The following DCAF8L2 variants were observed in gnomAD, a reference collection of about 807,000 sequenced individuals.
DCAF8L2 encodes the protein DDB1- and CUL4-associated factor 8-like protein 2.
For synonymous variants in DCAF8L2, 200 were observed against 190.9 expected, an observed-to-expected ratio of 1.05 and a Z score of -0.39; for missense variants, 430 against 490.7, an observed-to-expected ratio of 0.88 and a Z score of 1.17.
the DCAF8L2 span, chrX:27,519,901 T>C: frequency 1.2e-5 from 3 of 255,991 alleles, no homozygotes; most frequent in Non-Finnish European, 2.0e-5. Context: ...TATACTTTTT[T>C]TGAAATATTA....
At chrX:27,474,194 C>T in the DCAF8L2 span, among the ~76,000 whole-genome samples, 1 of 110,178 alleles carries the variant, frequency 9.1e-6, no homozygotes, top group South Asian at 3.8e-4. Flanking sequence ...AACAAAGGAC[C>T]GAAAGAAGAA....
At chrX:27,522,511 C>T in the DCAF8L2 span, among the ~76,000 whole-genome samples, 18 of 111,944 alleles carry the variant, frequency 1.6e-4, no homozygotes, top group African/African-American at 5.2e-4. Context: ...CATTACAGTA[C>T]TGTTAACTAT....
chrX:27,502,335 A>AATATATAT, the DCAF8L2 span, among the ~76,000 whole-genome samples: 87 of 12,628 alleles, frequency 6.9e-3, 1 homozygote, highest in East Asian at 0.014. Flanking sequence ...AAAAAAAAAA[A>AATATATAT]ATATATATAT....
the DCAF8L2 span, among the ~76,000 whole-genome samples, chrX:27,559,768 G>A: frequency 3.6e-5 from 4 of 111,246 alleles, no homozygotes; most frequent in Non-Finnish European, 7.5e-5. Context: ...ATTTCTGTTC[G>A]GTGTTAACAC....
the DCAF8L2 span, among the ~76,000 whole-genome samples, chrX:27,488,443 C>G: frequency 6.4e-5 from 7 of 108,686 alleles, no homozygotes; most frequent in East Asian, 2.9e-4. Context: ...TGTAAATTAC[C>G]GTTGCACTTT....
the DCAF8L2 span, among the ~76,000 whole-genome samples, chrX:27,525,292 G>C: frequency 1.4e-4 from 16 of 111,706 alleles, no homozygotes; most frequent in African/African-American, 4.6e-4. Context: ...TAATGGCCTT[G>C]TTTGTCTCTT....
chrX:27,540,151 C>T, the DCAF8L2 span, among the ~76,000 whole-genome samples: 1 of 111,529 alleles, frequency 9.0e-6, no homozygotes, highest in Non-Finnish European at 1.9e-5. Flanking sequence ...ATTGTGCCAT[C>T]CTTTTTACTG....
the DCAF8L2 span, among the ~76,000 whole-genome samples, chrX:27,554,610 A>T: frequency 8.9e-5 from 10 of 112,144 alleles, no homozygotes; most frequent in East Asian, 2.0e-3. Flanking sequence ...CTCCAATAAG[A>T]GAATCACAAT....
chrX:27,493,757 C>A, the DCAF8L2 span, among the ~76,000 whole-genome samples: 3 of 107,825 alleles, frequency 2.8e-5, no homozygotes, highest in South Asian at 1.2e-3. Context: ...GAAAGAAAAC[C>A]CTACAATCTA....
chrX:27,542,532 A>ATTTTTTTTTTTTTTTTTTT, the DCAF8L2 span, among the ~76,000 whole-genome samples: 1 of 58,446 alleles, frequency 1.7e-5, no homozygotes. Context: ...TCCTTTGCCT[A>ATTTTTTTTTTTTTTTTTTT]CTTTTTTTTT....
chrX:27,623,135 C>G (rs5926469), intron 1 of DCAF8L2, among the ~76,000 whole-genome samples: 1 of 110,454 alleles, frequency 9.1e-6, no homozygotes, highest in Admixed American at 9.6e-5. Flanking sequence ...GATCATAATA[C>G]AGTCTACATT....
intron 1 of DCAF8L2, among the ~76,000 whole-genome samples, chrX:27,622,173 A>G (rs1208095349): frequency 9.0e-6 from 1 of 110,750 alleles, no homozygotes; most frequent in African/African-American, 3.3e-5. Context: ...TATGTATAAG[A>G]ACATCATTTG....
the DCAF8L2 span, among the ~76,000 whole-genome samples, chrX:27,558,105 C>T: frequency 1.7e-4 from 19 of 111,582 alleles, no homozygotes; most frequent in East Asian, 2.0e-3. Context: ...CCCTTGAGTG[C>T]CTGGTCACTC....
chrX:27,584,281 A>G, the DCAF8L2 span, among the ~76,000 whole-genome samples: 8 of 110,823 alleles, frequency 7.2e-5, no homozygotes, highest in East Asian at 1.4e-3. Context: ...CAAACAGAAA[A>G]TCAAGTCTGT....
At chrX:27,561,585 G>A in the DCAF8L2 span, among the ~76,000 whole-genome samples, 2 of 110,633 alleles carry the variant, frequency 1.8e-5, no homozygotes, top group Non-Finnish European at 3.8e-5. Context: ...CCCATTAGCA[G>A]TCACCCCTAC....
At chrX:27,547,666 G>A in the DCAF8L2 span, among the ~76,000 whole-genome samples, 177 of 110,522 alleles carry the variant, frequency 1.6e-3, 1 homozygote, top group African/African-American at 5.6e-3. Flanking sequence ...ACTCAAAATC[G>A]GGAGAACAAC....
the DCAF8L2 span, among the ~76,000 whole-genome samples, chrX:27,509,673 A>G: frequency 8.9e-6 from 1 of 111,901 alleles, no homozygotes; most frequent in Non-Finnish European, 1.9e-5. Context: ...AAAATTGAGA[A>G]TCAAGTAAAT....
chrX:27,512,431 C>T, the DCAF8L2 span, among the ~76,000 whole-genome samples: 6 of 110,547 alleles, frequency 5.4e-5, no homozygotes, highest in Admixed American at 9.7e-5. Flanking sequence ...TGCCTGTAAT[C>T]CCAGCACTTT....
intron 2 of DCAF8L2, among the ~76,000 whole-genome samples, chrX:27,661,979 G>A (rs1256653202): frequency 9.0e-6 from 1 of 111,674 alleles, no homozygotes; most frequent in East Asian, 2.8e-4. Context: ...TGGGAAAATA[G>A]AATGCAATGA....
Sources: gnomAD v4.1 joint callset for allele counts (sites outside exome capture counted in the v4.1 genomes callset) on GRCh38, gnomAD v4.1.1 for gene constraint, MANE v1.5 for transcripts, NCBI Gene and HGNC (gene_info 2026-07-23, HGNC 2026-07-21) for gene names.